Variants in PCDH15 observed in about 807,000 individuals in gnomAD.
PCDH15 encodes the protein protocadherin related 15.
A neutral mutation model predicts 178.5 loss-of-function variants in PCDH15; 129 were observed. The ratio of observed to expected loss-of-function variants is 0.72; its 90% CI spans 0.63 to 0.84. The LOEUF (loss-of-function observed/expected upper bound fraction) is 0.84. Ranked by LOEUF, PCDH15 falls within the 40% of genes least tolerant of loss-of-function variation. The pLI is 0.00. For missense variants in PCDH15, 2,230 were observed against 2,099.9 expected, an observed-to-expected ratio of 1.06 and a Z score of -1.21; for synonymous variants, 800 against 732.0, an observed-to-expected ratio of 1.09 and a Z score of -1.50.
At chr10:54,868,424 T>G (rs76016493) in intron 3 of PCDH15, among the ~76,000 whole-genome samples, 1 of 152,052 alleles carries the variant, frequency 6.6e-6, no homozygotes, top group African/African-American at 2.4e-5. Context: ...ATTCCTTGAA[T>G]GGCTTCCTTC....
At chr10:55,101,297 G>T in intron 2 of PCDH15, among the ~76,000 whole-genome samples, 1 of 151,890 alleles carries the variant, frequency 6.6e-6, no homozygotes, top group Non-Finnish European at 1.5e-5. Context: ...TGGCAGAATC[G>T]CTTGAACTCA....
intron 21 of PCDH15, among the ~76,000 whole-genome samples, chr10:53,965,513 T>C (rs995672784): frequency 6.6e-6 from 1 of 152,204 alleles, no homozygotes; most frequent in South Asian, 2.1e-4. Flanking sequence ...CATTTTTCAG[T>C]ACTATCTTAA....
intron 10 of PCDH15, among the ~76,000 whole-genome samples, chr10:54,202,261 T>C (rs1253400798): frequency 6.6e-6 from 1 of 152,078 alleles, no homozygotes; most frequent in Non-Finnish European, 1.5e-5. Flanking sequence ...CTATAGCTTT[T>C]AATACCTAGT....
chr10:54,442,389 TTAAA>T (rs1565287154), intron 3 of PCDH15, among the ~76,000 whole-genome samples: 2,393 of 94,622 alleles, frequency 0.025, 269 homozygotes, highest in African/African-American at 0.1. Context: ...TCCTTTTTTT[TTAAA>T]AAAAAAAAAG....
intron 2 of PCDH15, among the ~76,000 whole-genome samples, chr10:54,976,498 G>A (rs892382366): frequency 1.3e-5 from 2 of 152,144 alleles, no homozygotes; most frequent in African/African-American, 4.8e-5. Flanking sequence ...GTTGGGGATG[G>A]AATACTAAGG....
chr10:54,877,965 T>G, intron 3 of PCDH15, among the ~76,000 whole-genome samples: 1 of 32,456 alleles, frequency 3.1e-5, no homozygotes, highest in Admixed American at 3.2e-4. Context: ...TTTTTTTTTT[T>G]TTTTTTTTTT....
chr10:54,563,522 C>T (rs2088536986), intron 2 of PCDH15, among the ~76,000 whole-genome samples: 1 of 152,126 alleles, frequency 6.6e-6, no homozygotes, highest in African/African-American at 2.4e-5. Flanking sequence ...CTGGAAGAGT[C>T]TAAGTTATTG....
At chr10:54,411,121 A>G (rs113971615) in intron 3 of PCDH15, among the ~76,000 whole-genome samples, 1 of 152,190 alleles carries the variant, frequency 6.6e-6, no homozygotes, top group African/African-American at 2.4e-5. Flanking sequence ...TGCCGCTACC[A>G]TAACAGGTAT....
chr10:54,171,933 G>A (rs900767050), intron 13 of PCDH15, among the ~76,000 whole-genome samples: 1 of 150,058 alleles, frequency 6.7e-6, no homozygotes, highest in Non-Finnish European at 1.5e-5. Context: ...CCCTAATCCT[G>A]CTTGAAGCAG....
chr10:55,035,771 T>A (rs891788027), intron 2 of PCDH15, among the ~76,000 whole-genome samples: 6 of 152,152 alleles, frequency 3.9e-5, no homozygotes. Context: ...TTTTCATAAA[T>A]TATATGAATA....
At chr10:54,510,838 G>A (rs890200734) in intron 3 of PCDH15, among the ~76,000 whole-genome samples, 4 of 152,062 alleles carry the variant, frequency 2.6e-5, no homozygotes, top group African/African-American at 9.7e-5. Context: ...CACGTCTCCT[G>A]CCATCTAACA....
At chr10:55,339,386 G>A (rs1293003967) in intron 2 of PCDH15, among the ~76,000 whole-genome samples, 2 of 151,944 alleles carry the variant, frequency 1.3e-5, no homozygotes, top group African/African-American at 2.4e-5. Context: ...TGAGGATATA[G>A]GATAGTGAAT....
chr10:54,081,504 C>A lies in PCDH15; in HGVS notation c.1998-2080G>T, dbSNP rs79689479. 6.8e-4 allele frequency among the ~76,000 whole-genome samples: 103 copies of A among 152,030 alleles called. 1 individual carries two copies. In the East Asian group the frequency reaches 0.019, roughly 28 times the overall value. ...GTTTTTATGTAATACGCGGGCCTTG[C>A]GACTCAGTGTTGTAGGCAGTTGTGT... On this transcript the variant is annotated intron_variant, in intron 16 of 37. Coordinates refer to ENST00000644397, the MANE Select transcript of PCDH15 (RefSeq NM_001384140.1).
chr10:54,080,232 C>T (rs1172917612), intron 16 of PCDH15, among the ~76,000 whole-genome samples: 1 of 152,004 alleles, frequency 6.6e-6, no homozygotes, highest in Non-Finnish European at 1.5e-5. Flanking sequence ...GGGAGATTAA[C>T]AGCACTTGGG....
chr10:53,943,140 C>T (rs1215656259), intron 23 of PCDH15, among the ~76,000 whole-genome samples: 2 of 152,066 alleles, frequency 1.3e-5, no homozygotes, highest in Non-Finnish European at 2.9e-5. Flanking sequence ...ATTCCTTATA[C>T]AGTATGGAAA....
intron 1 of PCDH15, among the ~76,000 whole-genome samples, chr10:55,193,230 T>C (rs1392779851): frequency 1.3e-5 from 2 of 151,876 alleles, no homozygotes; most frequent in Non-Finnish European, 2.9e-5. Context: ...TCAATATTCA[T>C]TATAGCAAGC....
At chr10:55,197,095 T>G (rs938341259) in intron 1 of PCDH15, among the ~76,000 whole-genome samples, 14 of 151,966 alleles carry the variant, frequency 9.2e-5, no homozygotes, top group African/African-American at 3.1e-4. Context: ...AATAAACAAG[T>G]ACTTCTCAGA....
At chr10:54,085,455 T>TA (rs1314060302) in intron 16 of PCDH15, among the ~76,000 whole-genome samples, 1 of 152,152 alleles carries the variant, frequency 6.6e-6, no homozygotes, top group Non-Finnish European at 1.5e-5. Context: ...ACTATACCAT[T>TA]AGGCCATCAT....
intron 10 of PCDH15, 150 bp from the exon 11 acceptor site, chr10:54,196,039 A>T: frequency 1.5e-6 from 1 of 677,930 alleles, no homozygotes; most frequent in Non-Finnish European, 2.5e-6. Context: ...TGAAAATATA[A>T]ATGAGGAAAT....
Sources: gnomAD v4.1 joint callset for allele counts (sites outside exome capture counted in the v4.1 genomes callset) on GRCh38, gnomAD v4.1.1 for gene constraint, MANE v1.5 for transcripts, NCBI Gene and HGNC (gene_info 2026-07-23, HGNC 2026-07-21) for gene names.